AKAP19: variants seen among roughly 807,000 people sequenced by gnomAD.
AKAP19 encodes the protein A-kinase anchoring protein 19.
the AKAP19 span, chr2:189,930,935 A>C: frequency 2.8e-6 from 2 of 723,430 alleles, no homozygotes; most frequent in South Asian, 3.2e-5. Flanking sequence ...CCCTCGCTAA[A>C]GCTAGCCCAG....
chr2:189,999,784 C>T, the AKAP19 span, among the ~76,000 whole-genome samples: 1 of 152,122 alleles, frequency 6.6e-6, no homozygotes, highest in Non-Finnish European at 1.5e-5. Flanking sequence ...TCTCATAGTC[C>T]TCTTACCATG....
At chr2:190,038,901 T>TTTCCTCTTC in the AKAP19 span, among the ~76,000 whole-genome samples, 1 of 46,002 alleles carries the variant, frequency 2.2e-5, no homozygotes, top group Non-Finnish European at 4.6e-5. Context: ...TCTTTCTTTC[T>TTTCCTCTTC]TTCTTCTTCT....
chr2:190,193,893 A>T, the AKAP19 span, among the ~76,000 whole-genome samples: 4 of 151,896 alleles, frequency 2.6e-5, no homozygotes, highest in Non-Finnish European at 5.9e-5. Flanking sequence ...ACTGATTTAA[A>T]CTTTTCTTCT....
chr2:190,046,671 A>G, the AKAP19 span, among the ~76,000 whole-genome samples: 7 of 152,228 alleles, frequency 4.6e-5, no homozygotes, highest in South Asian at 2.1e-4. Flanking sequence ...ATTATTCATA[A>G]TATCTGTGAC....
chr2:190,141,632 A>C, the AKAP19 span, among the ~76,000 whole-genome samples: 1 of 152,196 alleles, frequency 6.6e-6, no homozygotes, highest in Non-Finnish European at 1.5e-5. Flanking sequence ...AACCACCCCC[A>C]TGATTCAGTT....
At chr2:189,938,797 A>G in the AKAP19 span, among the ~76,000 whole-genome samples, 1 of 152,214 alleles carries the variant, frequency 6.6e-6, no homozygotes, top group Non-Finnish European at 1.5e-5. Context: ...TACACATTGC[A>G]TGCCTGTATC....
the AKAP19 span, among the ~76,000 whole-genome samples, chr2:190,172,420 CAG>C: frequency 1.3e-5 from 2 of 152,088 alleles, no homozygotes; most frequent in Non-Finnish European, 2.9e-5. Flanking sequence ...GATCGTTGTC[CAG>C]AAACACAGAA....
chr2:190,192,226 A>G, the AKAP19 span, among the ~76,000 whole-genome samples: 1 of 151,856 alleles, frequency 6.6e-6, no homozygotes, highest in Non-Finnish European at 1.5e-5. Flanking sequence ...TTTTGCATTC[A>G]TTGTTTTTGG....
chr2:189,919,439 AAAAC>A, the AKAP19 span, among the ~76,000 whole-genome samples: 6 of 152,008 alleles, frequency 3.9e-5, no homozygotes, highest in African/African-American at 1.4e-4. Context: ...TCTAAAAAAA[AAAAC>A]AGGATACATG....
the AKAP19 span, among the ~76,000 whole-genome samples, chr2:190,142,392 T>C: frequency 6.6e-6 from 1 of 152,242 alleles, no homozygotes; most frequent in Non-Finnish European, 1.5e-5. Flanking sequence ...AATGAAGTTA[T>C]ATTCACATGG....
At chr2:190,193,597 C>A in the AKAP19 span, among the ~76,000 whole-genome samples, 18 of 152,042 alleles carry the variant, frequency 1.2e-4, no homozygotes, top group African/African-American at 4.3e-4. Flanking sequence ...TCATTTTTTT[C>A]TTGTGCCAAT....
At chr2:190,077,472 T>C in the AKAP19 span, among the ~76,000 whole-genome samples, 6 of 152,004 alleles carry the variant, frequency 3.9e-5, no homozygotes, top group Non-Finnish European at 7.4e-5. Flanking sequence ...TGTTAACATG[T>C]TAAAAATTTT....
the AKAP19 span, among the ~76,000 whole-genome samples, chr2:189,933,561 G>T: frequency 0.012 from 1,774 of 152,048 alleles, 33 homozygotes; most frequent in African/African-American, 0.04. Context: ...AAATATGTGG[G>T]TTGAAATTTT....
chr2:190,069,171 T>TGAGAGAGAGA, the AKAP19 span, among the ~76,000 whole-genome samples: 1 of 129,222 alleles, frequency 7.7e-6, no homozygotes, highest in African/African-American at 3.5e-5. Flanking sequence ...TGTGTGTGTG[T>TGAGAGAGAGA]GTGTGAGAGA....
the AKAP19 span, among the ~76,000 whole-genome samples, chr2:190,023,076 G>A: frequency 2.0e-5 from 3 of 152,024 alleles, no homozygotes; most frequent in East Asian, 1.9e-4. Context: ...GAGCAGAAAT[G>A]CTTCCAAACT....
the AKAP19 span, among the ~76,000 whole-genome samples, chr2:189,982,400 T>G: frequency 1.3e-5 from 2 of 152,178 alleles, no homozygotes; most frequent in African/African-American, 4.8e-5. Context: ...ATATCCTGAA[T>G]CATTTTTCTG....
chr2:189,958,426 T>C, the AKAP19 span, among the ~76,000 whole-genome samples: 1 of 151,584 alleles, frequency 6.6e-6, no homozygotes, highest in Non-Finnish European at 1.5e-5. Flanking sequence ...GATGAGCGTA[T>C]AAATTGGTAA....
the AKAP19 span, among the ~76,000 whole-genome samples, chr2:190,099,586 C>T: frequency 7.9e-5 from 12 of 152,148 alleles, no homozygotes; most frequent in African/African-American, 2.2e-4. Flanking sequence ...CACCAAAATG[C>T]GACAGAGACA....
the AKAP19 span, among the ~76,000 whole-genome samples, chr2:190,190,730 A>T: frequency 6.6e-6 from 1 of 152,198 alleles, no homozygotes; most frequent in African/African-American, 2.4e-5. Flanking sequence ...AAATTTTAGC[A>T]ATCTTAGTGT....
Sources: gnomAD v4.1 joint callset for allele counts (sites outside exome capture counted in the v4.1 genomes callset) on GRCh38, gnomAD v4.1.1 for gene constraint, MANE v1.5 for transcripts, NCBI Gene and HGNC (gene_info 2026-07-23, HGNC 2026-07-21) for gene names.